TSGA10: variants seen among roughly 807,000 people sequenced by gnomAD.
The protein encoded by TSGA10 is testis specific 10.
A neutral mutation model predicts 96.6 loss-of-function variants in TSGA10; 43 were observed. The ratio of observed to expected loss-of-function variants is 0.44; its 90% CI spans 0.35 to 0.57. TSGA10 has a LOEUF of 0.57. Among genes scored for constraint, TSGA10 ranks in the 20% least tolerant of loss-of-function variants. The pLI, the probability that TSGA10 is intolerant of heterozygous loss-of-function variation, is 0.01. For missense variants in TSGA10, 703 were observed against 834.4 expected, an observed-to-expected ratio of 0.84 and a Z score of 1.94; for synonymous variants, 229 against 269.9, an observed-to-expected ratio of 0.85 and a Z score of 1.48.
chr2:99,153,845 T>A (rs375849119), intron 1 of TSGA10, among the ~76,000 whole-genome samples: 1 of 152,212 alleles, frequency 6.6e-6, no homozygotes, highest in East Asian at 1.9e-4. Context: ...CGTATCAGCA[T>A]CAGCAAACTG....
intron 10 of TSGA10, among the ~76,000 whole-genome samples, chr2:99,098,663 A>C (rs2090369081): frequency 6.6e-6 from 1 of 152,022 alleles, no homozygotes; most frequent in Non-Finnish European, 1.5e-5. Flanking sequence ...AACTAATAAT[A>C]ACCACCAACT....
chr2:99,038,657 CA>C (rs2105108983), intron 16 of TSGA10, among the ~76,000 whole-genome samples: 1 of 152,192 alleles, frequency 6.6e-6, no homozygotes, highest in Admixed American at 6.5e-5. Flanking sequence ...AATTTATAAG[CA>C]ATTACTACTA....
At position 99,084,390 on chromosome 2, in the gene TSGA10, G is replaced by A. The variant is rs1021298063; in HGVS notation, c.612-2993C>T. On this transcript the variant is annotated intron_variant, in intron 10 of 20. Coordinates refer to ENST00000393483, the MANE Select transcript of TSGA10 (RefSeq NM_025244.4). ...TCCCCTTGGTGATAAGTGAGATCTC[G>A]CTAGTTAGTTCACATGAGATCTGGC... Among the ~76,000 whole-genome samples the A allele has an allele frequency of 2.6e-5, 4 of 151,942 alleles. 1 individual carries two copies. The South Asian group carries it at 8.3e-4, about 32-fold the overall frequency.
At chr2:99,078,271 GAAAAAAAAA>G (rs200891345) in intron 12 of TSGA10, among the ~76,000 whole-genome samples, 26 of 81,466 alleles carry the variant, frequency 3.2e-4, no homozygotes, top group African/African-American at 8.5e-4. Flanking sequence ...ACTCCCGTTT[GAAAAAAAAA>G]AAAAAAAAAA....
chr2:99,132,404 T>C (rs531684357), intron 1 of TSGA10, among the ~76,000 whole-genome samples: 1 of 152,222 alleles, frequency 6.6e-6, no homozygotes, highest in East Asian at 1.9e-4. Context: ...GATTTTCTAG[T>C]TTATTTGTGT....
In TSGA10 at chr2:99,024,075, G is replaced by C. The variant is rs556696043; in HGVS notation, c.1615-3593C>G. 8.7e-5 allele frequency among the ~76,000 whole-genome samples: 13 copies of C among 150,114 alleles called. No homozygotes were observed. The South Asian group carries it at 1.0e-3, about 12-fold the overall frequency. The stretch of plus-strand genomic sequence containing the variant: ...TAATTTCTGTTGACAATGTTCTGTA[G>C]TTTTGTAAAGTACAAGTATTTGTCT... On this transcript the variant is annotated intron_variant, in intron 17 of 20. Coordinates refer to ENST00000393483, the MANE Select transcript of TSGA10 (RefSeq NM_025244.4).
At chr2:99,010,245 A>T (rs866411410) in intron 20 of TSGA10, among the ~76,000 whole-genome samples, 12 of 152,300 alleles carry the variant, frequency 7.9e-5, no homozygotes, top group Middle Eastern at 6.8e-3. Flanking sequence ...GACAGGTCTA[A>T]CGTGCAGCTC....
chr2:99,028,420 GCTAA>G (rs780629777), intron 17 of TSGA10, among the ~76,000 whole-genome samples: 5 of 152,250 alleles, frequency 3.3e-5, no homozygotes, highest in African/African-American at 4.8e-5. Context: ...CCACAATTAA[GCTAA>G]CTAACATATC....
chr2:99,153,723 C>T (rs1453294677), intron 1 of TSGA10, among the ~76,000 whole-genome samples: 1 of 152,158 alleles, frequency 6.6e-6, no homozygotes, highest in Non-Finnish European at 1.5e-5. Context: ...TTCCCACCTG[C>T]ATAATACAAG....
intron 16 of TSGA10, among the ~76,000 whole-genome samples, chr2:99,059,232 C>T (rs906910048): frequency 2.0e-5 from 3 of 151,162 alleles, no homozygotes; most frequent in African/African-American, 7.3e-5. Flanking sequence ...TTTTTTAAAG[C>T]AATGTATTAG....
At chr2:99,098,531 GA>G (rs986046309) in intron 10 of TSGA10, among the ~76,000 whole-genome samples, 9 of 143,222 alleles carry the variant, frequency 6.3e-5, no homozygotes, top group Non-Finnish European at 1.1e-4. Flanking sequence ...GAAAATTCAA[GA>G]AAAAAAGAAA....
At position 99,021,503 on chromosome 2, in the gene TSGA10, C is replaced by T. The variant is rs149552072; in HGVS notation, c.1615-1021G>A. 2.1e-3 allele frequency among the ~76,000 whole-genome samples: 319 copies of T among 152,040 alleles called. 3 individuals carry two copies. In the Middle Eastern group the frequency reaches 0.034, roughly 16 times the overall value. On this transcript the variant is annotated intron_variant, in intron 17 of 20. Transcript: ENST00000393483. The stretch of plus-strand genomic sequence containing the variant: ...AGGAGAAATACAAGTAAATTATAAA[C>T]GTATGGGGAAAATTTACCCTTACTA...
At chr2:99,068,435 A>G (rs181095776) in intron 15 of TSGA10, among the ~76,000 whole-genome samples, 2 of 152,292 alleles carry the variant, frequency 1.3e-5, no homozygotes, top group Admixed American at 1.3e-4. Context: ...TGTCATGTAC[A>G]TGTGCCTGGT....
chr2:99,029,240 C>T (rs919860378), intron 17 of TSGA10, among the ~76,000 whole-genome samples: 2 of 152,026 alleles, frequency 1.3e-5, no homozygotes, highest in African/African-American at 4.8e-5. Context: ...AAGGAAATCA[C>T]CCATAACATA....
chr2:99,047,500 A>G (rs1479137336), intron 16 of TSGA10, among the ~76,000 whole-genome samples: 1 of 152,216 alleles, frequency 6.6e-6, no homozygotes, highest in Non-Finnish European at 1.5e-5. Context: ...TAGATGCAGA[A>G]AAGGCCTTTG....
rs186698752 is a variant in TSGA10, at chr2:99,070,777, G to C, written c.1107+929C>G. On this transcript the variant is annotated intron_variant, in intron 14 of 20. Coordinates refer to ENST00000393483, the MANE Select transcript of TSGA10 (RefSeq NM_025244.4). ...ATTTTTTAAATAAACTTTTAGAATAGTTTTAGATTTACAGAAAAGTTGTGA... is the reference window on the plus strand; with the variant it reads ...ATTTTTTAAATAAACTTTTAGAATACTTTTAGATTTACAGAAAAGTTGTGA... Among the ~76,000 whole-genome samples, 5 of 152,128 alleles carry C rather than the reference G, an allele frequency of 3.3e-5. No individual in the cohort carries two copies. The East Asian group carries it at 9.6e-4, about 29-fold the overall frequency.
chr2:99,118,667 T>C lies in TSGA10; in HGVS notation c.-472A>G, dbSNP rs1385447996. On this transcript the variant is annotated 5_prime_UTR_variant, in exon 3 of 21. Transcript: ENST00000393483. ...TGGATGAAGAAAAGGGCCTTTTCTA[T>C]CACAAAGGTATCCAAATGCCTTTAA... 10 of 984,480 alleles carry C rather than the reference T, an allele frequency of 1.0e-5. No individual in the cohort carries two copies. The highest frequency in any genetic ancestry group is 1.2e-5 in the Non-Finnish European group (10 of 829,688). 61.0% of individuals were successfully genotyped at this position (984,480 alleles called of 1,614,324 possible).
intron 10 of TSGA10, among the ~76,000 whole-genome samples, chr2:99,098,528 CA>C (rs2090346650): frequency 7.2e-6 from 1 of 139,432 alleles, no homozygotes; most frequent in Non-Finnish European, 1.6e-5. Flanking sequence ...GAAGAAAATT[CA>C]AGAAAAAAAG....
At chr2:99,110,141 G>A (rs1304045682) in intron 5 of TSGA10, among the ~76,000 whole-genome samples, 6 of 152,124 alleles carry the variant, frequency 3.9e-5, no homozygotes, top group Admixed American at 3.9e-4. Context: ...CTCCAGCCTG[G>A]GCAACAAAGC....
Sources: gnomAD v4.1 joint callset for allele counts (sites outside exome capture counted in the v4.1 genomes callset) on GRCh38, gnomAD v4.1.1 for gene constraint, MANE v1.5 for transcripts, NCBI Gene and HGNC (gene_info 2026-07-23, HGNC 2026-07-21) for gene names.